PTPRS: variants seen among roughly 807,000 people sequenced by gnomAD.
PTPRS encodes protein tyrosine phosphatase receptor type S.
In PTPRS, 63 loss-of-function variants were observed where a neutral mutation model predicts 215.3. The observed-to-expected ratio is 0.29, with a 90% confidence interval of 0.24 to 0.36. The LOEUF is 0.36. PTPRS is among the 10% of genes least tolerant of loss of function. The probability of loss-of-function intolerance (pLI) is 1.00; values close to 1 mark genes in which losing one functional copy is unlikely to be tolerated. For missense variants in PTPRS, 2,258 were observed against 2,825.8 expected (o/e 0.80, Z 4.56); for synonymous variants, 1,404 against 1,191.4 (o/e 1.18, Z -3.68).
At position 5,231,593 on chromosome 19, in the gene PTPRS, G is replaced by T; in HGVS notation, c.1872C>A (p.Asp624Glu). ...LQSKPSAPPQ[D>E]VKCVSVRSTA... is the part of the protein sequence containing the mutation. ...TGGAGCGCACGCTGACACATTTAAC[G>T]TCTTGAGGGGGGGCTGACGGTTCTA... Residue 624 changes from aspartate to glutamate, a missense_variant, in exon 14 of 38, where the codon GAC becomes GAA. This residue lies in a region of PTPRS where 371 missense variants were observed against 446.7 expected (regional missense o/e 0.83). Coordinates refer to ENST00000262963, the MANE Select transcript of PTPRS (RefSeq NM_002850.4). The T allele has an allele frequency of 6.4e-7, 1 of 1,552,944 alleles. No individual in the cohort carries two copies. The highest frequency in any genetic ancestry group is 8.7e-7 in the Non-Finnish European group (1 of 1,152,522).
At chr19:5,260,865 G>A in intron 6 of PTPRS, 43 bp from the exon 7 acceptor site, 1 of 1,549,954 alleles carries the variant, frequency 6.5e-7, no homozygotes, top group Non-Finnish European at 8.7e-7. Context: ...TCACAAGGCG[G>A]TTGTTGGGGG....
chr19:5,269,285 G>T (rs1250802637), intron 4 of PTPRS, among the ~76,000 whole-genome samples: 1 of 152,162 alleles, frequency 6.6e-6, no homozygotes, highest in Non-Finnish European at 1.5e-5. Context: ...GGGTGCAGGG[G>T]GAGGTCTCGG....
chr19:5,254,998 G>C (rs916945729), intron 9 of PTPRS, among the ~76,000 whole-genome samples: 2 of 152,150 alleles, frequency 1.3e-5, no homozygotes, highest in Non-Finnish European at 2.9e-5. Flanking sequence ...ATCCATGTTT[G>C]GATATGTCAC....
At chr19:5,276,778 G>A (rs1395855770) in intron 2 of PTPRS, among the ~76,000 whole-genome samples, 2 of 151,910 alleles carry the variant, frequency 1.3e-5, no homozygotes, top group African/African-American at 2.4e-5. Flanking sequence ...TCCTGACCTC[G>A]TGATCCGCCC....
At position 5,271,019 on chromosome 19, in the gene PTPRS, C is replaced by T. The variant is rs541055844; in HGVS notation, c.379+2423G>A. Reference sequence around the variant, plus strand: ...GTTTCATGGGACCAGAGTCTGAAATCGAGTACTACTAGGGCCGCTGTGATA... The same window carrying T: ...GTTTCATGGGACCAGAGTCTGAAATTGAGTACTACTAGGGCCGCTGTGATA... On this transcript the variant is annotated intron_variant, in intron 4 of 37. Transcript: ENST00000262963. Among the ~76,000 whole-genome samples, 35 of 152,310 alleles carry T rather than the reference C, an allele frequency of 2.3e-4. No individual in the cohort carries two copies. The South Asian group carries it at 5.6e-3, about 24-fold the overall frequency.
At chr19:5,281,859 G>T (rs1458805972) in intron 2 of PTPRS, among the ~76,000 whole-genome samples, 3 of 152,158 alleles carry the variant, frequency 2.0e-5, no homozygotes, top group African/African-American at 7.2e-5. Flanking sequence ...AGCAAGACCG[G>T]GCGGGTGGGT....
chr19:5,322,879 C>CAA (rs60988670), intron 1 of PTPRS, among the ~76,000 whole-genome samples: 1,821 of 65,516 alleles, frequency 0.028, 65 homozygotes, highest in African/African-American at 0.053. Flanking sequence ...AACTCCGTCT[C>CAA]AAAAAAAAAA....
At chr19:5,243,872 C>G in intron 11 of PTPRS, 29 bp downstream of exon 11, 1 of 1,450,628 alleles carries the variant, frequency 6.9e-7, no homozygotes, top group Non-Finnish European at 9.1e-7. Context: ...ACGGCCGGGG[C>G]CCCGAGTCCT....
At chr19:5,283,208 C>G (rs1384403873) in intron 2 of PTPRS, among the ~76,000 whole-genome samples, 1 of 152,228 alleles carries the variant, frequency 6.6e-6, no homozygotes, top group Non-Finnish European at 1.5e-5. Context: ...GGGAAGGCCC[C>G]ACTGGACCTG....
intron 1 of PTPRS, among the ~76,000 whole-genome samples, chr19:5,296,170 T>TA (rs911755672): frequency 3.3e-5 from 5 of 152,122 alleles, no homozygotes; most frequent in African/African-American, 1.2e-4. Context: ...GTGGATGCTC[T>TA]AAAGAGGGTG....
At chr19:5,283,799 A>G (rs1242897863) in intron 2 of PTPRS, among the ~76,000 whole-genome samples, 1 of 152,102 alleles carries the variant, frequency 6.6e-6, no homozygotes, top group East Asian at 1.9e-4. Context: ...CTGGTTGGGC[A>G]CAGTGGCTCA....
At position 5,214,552 on chromosome 19, in the gene PTPRS, A is replaced by G; in HGVS notation, c.4494+9T>C. 1 of 1,611,922 alleles carries G rather than the reference A, an allele frequency of 6.2e-7. No homozygotes were observed. The highest frequency in any genetic ancestry group is 8.5e-7 in the Non-Finnish European group (1 of 1,178,704). ...CAGGGGCTTGAGGGCCGTGGGGTCC[A>G]AGGCTCACCCGTGACTTCTCCTCCA... On this transcript the variant is annotated intron_variant, in intron 29 of 37. Transcript: ENST00000262963.
chr19:5,214,664 G>A lies in PTPRS; in HGVS notation c.4391C>T (p.Thr1464Met), dbSNP rs1274728310. The A allele has an allele frequency of 2.5e-6, 4 of 1,613,058 alleles. No individual in the cohort carries two copies. The highest frequency in any genetic ancestry group is 3.4e-6 in the Non-Finnish European group (4 of 1,179,934). The change falls in exon 29 of 38, where the codon ACG becomes ATG. Residue 1464 changes from threonine to methionine, a missense_variant. Thr to Met is a moderately conservative substitution (Grantham distance 81). Transcript: ENST00000262963. Reference sequence around the variant, plus strand: ...AAAGGTCTCAGGCAGCGGCCCCTGCGTGGCAATGTACGCGTTCTGACACCG... The same window carrying A: ...AAAGGTCTCAGGCAGCGGCCCCTGCATGGCAATGTACGCGTTCTGACACCG... ...GYRCQNAYIATQGPLPETFGD... is the reference protein window; with the variant it reads ...GYRCQNAYIAMQGPLPETFGD...
rs1485432020 is a variant in PTPRS at position 5,315,350 on chromosome 19, GGTTT to G, written c.-95+25310_-95+25313del. On this transcript the variant is annotated intron_variant, in intron 1 of 37. Transcript: ENST00000262963. Reference sequence around the variant, plus strand: ...TCATGGAGAATTTTTATTTGAAAAGGGTTTTTTTTTTTTTTTTTTTTTTTTTTTT... The same window carrying G: ...TCATGGAGAATTTTTATTTGAAAAGGTTTTTTTTTTTTTTTTTTTTTTTTT... Among the ~76,000 whole-genome samples the G allele has an allele frequency of 2.9e-4, 29 of 101,312 alleles. 5 individuals carry two copies. The highest frequency in any genetic ancestry group is 8.9e-4 in the African/African-American group (22 of 24,630). 66.5% of individuals were successfully genotyped at this position (101,312 alleles called of 152,430 possible).
intron 1 of PTPRS, among the ~76,000 whole-genome samples, chr19:5,290,119 C>T (rs1047494727): frequency 4.6e-5 from 7 of 152,350 alleles, no homozygotes; most frequent in South Asian, 2.1e-4. Flanking sequence ...GACCGCTGGA[C>T]GCTGAACCCA....
At chr19:5,216,810 TA>T (rs145840903) in intron 25 of PTPRS, 43 bp from the exon 26 acceptor site, 48,225 of 1,388,140 alleles carry the variant, frequency 0.035, 1,106 homozygotes, top group Middle Eastern at 0.09. Flanking sequence ...ATGCAGGGGG[TA>T]GGGGGGGGTC....
chr19:5,235,599 C>G (rs1398259752), intron 13 of PTPRS, among the ~76,000 whole-genome samples: 1 of 152,168 alleles, frequency 6.6e-6, no homozygotes, highest in African/African-American at 2.4e-5. Context: ...AAGAGGTTTG[C>G]AGAACAATAA....
chr19:5,298,771 C>T (rs993947446), intron 1 of PTPRS, among the ~76,000 whole-genome samples: 14 of 152,224 alleles, frequency 9.2e-5, no homozygotes, highest in African/African-American at 3.4e-4. Flanking sequence ...GGCTACCTTC[C>T]CCTTCCTGGA....
At chr19:5,291,017 G>A (rs1487485365) in intron 1 of PTPRS, among the ~76,000 whole-genome samples, 7 of 152,046 alleles carry the variant, frequency 4.6e-5, no homozygotes, top group Non-Finnish European at 7.3e-5. Flanking sequence ...CTCCCAGGGC[G>A]CCATTATCTC....
Sources: allele counts gnomAD v4.1 joint callset (sites outside exome capture counted in the v4.1 genomes callset), GRCh38; gene constraint gnomAD v4.1.1; regional missense constraint gnomAD v4.1.1; transcripts MANE v1.5; gene names NCBI Gene and HGNC (gene_info 2026-07-23, HGNC 2026-07-21).